DGKB: variants seen among roughly 807,000 people sequenced by gnomAD.
DGKB encodes diacylglycerol kinase beta.
DGKB carries 67 observed loss-of-function variants against 114.3 expected under a neutral mutation model. The ratio of observed to expected loss-of-function variants is 0.59; its 90% CI spans 0.48 to 0.72. DGKB has a LOEUF of 0.72. Ranked by LOEUF, DGKB falls within the 30% of genes least tolerant of loss-of-function variation. DGKB has a pLI of 0.00. For synonymous variants in DGKB, 398 were observed against 323.1 expected (o/e 1.23, Z -2.49); for missense variants, 907 against 975.2 (o/e 0.93, Z 0.93).
At chr7:14,821,851 C>T (rs773325854) in intron 2 of DGKB, among the ~76,000 whole-genome samples, 1 of 152,044 alleles carries the variant, frequency 6.6e-6, no homozygotes, top group Non-Finnish European at 1.5e-5. Context: ...TGTGGTAGTT[C>T]AGGAAAGACT....
At chr7:14,418,218 T>TTA (rs373844268) in intron 21 of DGKB, among the ~76,000 whole-genome samples, 129,821 of 142,392 alleles carry the variant, frequency 0.91, 60,099 homozygotes, top group Non-Finnish European at 1. Flanking sequence ...AATGTATATA[T>TTA]TATATATGTA....
chr7:14,955,047 G>C (rs1467982455), intron 1 of DGKB, among the ~76,000 whole-genome samples: 1 of 152,018 alleles, frequency 6.6e-6, no homozygotes, highest in Admixed American at 6.6e-5. Context: ...GAGTCTGGAA[G>C]AGCTCCCAGC....
intron 1 of DGKB, among the ~76,000 whole-genome samples, chr7:14,852,222 CTT>C (rs1442791003): frequency 5.9e-5 from 9 of 151,606 alleles, no homozygotes; most frequent in Non-Finnish European, 1.3e-4. Flanking sequence ...ATGTTTAACT[CTT>C]AATTTATTAA....
intron 2 of DGKB, among the ~76,000 whole-genome samples, chr7:14,810,354 G>A (rs1205467704): frequency 6.6e-6 from 1 of 151,336 alleles, no homozygotes; most frequent in East Asian, 2.0e-4. Context: ...GACTCTCATT[G>A]TTATTCTCAG....
intron 1 of DGKB, among the ~76,000 whole-genome samples, chr7:14,909,895 T>C (rs1014710131): frequency 1.6e-4 from 24 of 152,238 alleles, no homozygotes; most frequent in Non-Finnish European, 1.2e-4. Context: ...TGTGATTTAA[T>C]GATGCTTTAA....
intron 1 of DGKB, among the ~76,000 whole-genome samples, chr7:14,853,950 T>C (rs575455174): frequency 1.3e-5 from 2 of 151,584 alleles, no homozygotes; most frequent in East Asian, 2.0e-4. Context: ...TAGTAAAATA[T>C]ATTTTGCTTT....
rs989679947 is a variant in DGKB at position 14,231,941 on chromosome 7, C to T, written c.2123-53790G>A. Among the ~76,000 whole-genome samples the T allele has an allele frequency of 7.9e-5, 12 of 152,032 alleles. No individual in the cohort carries two copies. The East Asian group carries it at 2.3e-3, about 30-fold the overall frequency. The stretch of plus-strand genomic sequence containing the variant: ...ATGTAATGTTTAACTTAGCTAAAGC[C>T]TCATTCGGTGGGTTTGAGAGAAGTT... On this transcript the variant is annotated intron_variant, in intron 23 of 25. Transcript: ENST00000402815.
At chr7:14,330,556 T>C (rs1809546755) in intron 23 of DGKB, among the ~76,000 whole-genome samples, 1 of 152,058 alleles carries the variant, frequency 6.6e-6, no homozygotes, top group East Asian at 1.9e-4. Context: ...TAAAAAGTTA[T>C]AGCATTATAC....
chr7:14,190,548 A>G (rs927153033), intron 23 of DGKB, among the ~76,000 whole-genome samples: 12 of 148,040 alleles, frequency 8.1e-5, no homozygotes, highest in African/African-American at 3.0e-4. Flanking sequence ...TAAAACTCAG[A>G]GCAGAAATAA....
At chr7:14,350,731 C>T (rs1476391885) in intron 21 of DGKB, among the ~76,000 whole-genome samples, 1 of 151,204 alleles carries the variant, frequency 6.6e-6, no homozygotes, top group Non-Finnish European at 1.5e-5. Flanking sequence ...CATTTTCAAG[C>T]ATCGTTAACT....
chr7:14,743,201 G>A (rs1249594019), intron 4 of DGKB, among the ~76,000 whole-genome samples: 1 of 152,144 alleles, frequency 6.6e-6, no homozygotes. Flanking sequence ...GTAAACTAAT[G>A]TAAGGGTAAA....
intron 21 of DGKB, among the ~76,000 whole-genome samples, chr7:14,444,726 T>C (rs1386362275): frequency 1.3e-5 from 2 of 151,892 alleles, no homozygotes; most frequent in East Asian, 1.9e-4. Context: ...TTTACAAATA[T>C]ATGTAATGCA....
chr7:14,232,044 C>T (rs1017256082), intron 23 of DGKB, among the ~76,000 whole-genome samples: 2 of 151,970 alleles, frequency 1.3e-5, no homozygotes, highest in African/African-American at 2.4e-5. Flanking sequence ...ATGGTTGGCC[C>T]ATCCCGGTTT....
chr7:14,429,595 C>T lies in DGKB; in HGVS notation c.1835+48566G>A, dbSNP rs532589674. Reference sequence around the variant, plus strand: ...AGAGTCTGATCTCCTCTTCACTCTGCGCCCTTTCCACTTTATAGTGGATGC... The same window carrying T: ...AGAGTCTGATCTCCTCTTCACTCTGTGCCCTTTCCACTTTATAGTGGATGC... On this transcript the variant is annotated intron_variant, in intron 21 of 25. Transcript: ENST00000402815. Among the ~76,000 whole-genome samples, 69 of 152,240 alleles carry T rather than the reference C, an allele frequency of 4.5e-4. 1 individual carries two copies. The South Asian group carries it at 8.3e-3, about 18-fold the overall frequency.
chr7:14,939,680 G>A (rs967015230), intron 1 of DGKB, among the ~76,000 whole-genome samples: 5 of 126,702 alleles, frequency 3.9e-5, no homozygotes, highest in African/African-American at 1.5e-4. Flanking sequence ...AGGCTGGAGT[G>A]CAATGGCACT....
chr7:14,220,832 CTTTT>C lies in DGKB; in HGVS notation c.2123-42685_2123-42682del, dbSNP rs551410464. 3.9e-3 allele frequency among the ~76,000 whole-genome samples: 596 copies of C among 151,258 alleles called. 1 individual carries two copies. Among genetic ancestry groups the C allele is most frequent in the African/African-American group, 0.014 (571 of 41,440 alleles). On this transcript the variant is annotated intron_variant, in intron 23 of 25. Transcript: ENST00000402815. Reference sequence around the variant, plus strand: ...TTTGCAATTTTCAAATGTTTTCTTTCTTTTAATTTTTTAAAATTTTTAAAAATTT... The same window carrying C: ...TTTGCAATTTTCAAATGTTTTCTTTCAATTTTTTAAAATTTTTAAAAATTT...
At chr7:14,429,732 C>A (rs111983624) in intron 21 of DGKB, among the ~76,000 whole-genome samples, 1,688 of 152,228 alleles carry the variant, frequency 0.011, 31 homozygotes, top group African/African-American at 0.039. Flanking sequence ...ACCAGCCTGG[C>A]CAACATGGCA....
At chr7:14,252,962 C>G (rs1413750449) in intron 23 of DGKB, among the ~76,000 whole-genome samples, 1 of 152,086 alleles carries the variant, frequency 6.6e-6, no homozygotes, top group African/African-American at 2.4e-5. Flanking sequence ...GTGTTCCACT[C>G]AGGTGCTATA....
chr7:14,387,622 G>T (rs1187197033), intron 21 of DGKB, among the ~76,000 whole-genome samples: 2 of 151,900 alleles, frequency 1.3e-5, no homozygotes, highest in Admixed American at 6.6e-5. Flanking sequence ...TCACTATGTT[G>T]CCCATCCTGG....
Sources: allele counts gnomAD v4.1 joint callset (sites outside exome capture counted in the v4.1 genomes callset), GRCh38; gene constraint gnomAD v4.1.1; transcripts MANE v1.5; gene names NCBI Gene and HGNC (gene_info 2026-07-23, HGNC 2026-07-21).